Variants in SCO2 observed in about 807,000 individuals in gnomAD.
SCO2 encodes the protein cytochrome c oxidase assembly factor SCO2.
For synonymous variants in SCO2, 195 were observed against 148.6 expected, an observed-to-expected ratio of 1.31 and a Z score of -2.27; for missense variants, 429 against 348.7, an observed-to-expected ratio of 1.23 and a Z score of -1.83.
At chr22:50,525,980 C>T (rs1433833468), upstream of SCO2, 16 of 1,391,690 alleles carry the variant, frequency 1.1e-5, no homozygotes, top group East Asian at 4.2e-4. Context: ...GCGGGGCCAG[C>T]AGGGCGGGGG....
chr22:50,524,865 C>A, intron 1 of SCO2: 1 of 360,056 alleles, frequency 2.8e-6, no homozygotes, highest in Non-Finnish European at 5.5e-6. Flanking sequence ...TTCAACCAAC[C>A]GCGGCCTTCC....
upstream of SCO2, chr22:50,526,234 C>G (rs202177002): frequency 5.9e-6 from 9 of 1,529,886 alleles, no homozygotes; most frequent in African/African-American, 2.8e-5. Context: ...CGGGGACTCC[C>G]CCGACGCTCA....
intron 1 of SCO2, chr22:50,524,749 T>C (rs1035221160): frequency 5.7e-6 from 3 of 523,050 alleles, no homozygotes; most frequent in Admixed American, 2.3e-5. Context: ...AACCACGTTA[T>C]CTATTTGCAA....
chr22:50,525,997 T>C (rs1401543018), upstream of SCO2: 3 of 1,418,018 alleles, frequency 2.1e-6, no homozygotes, highest in Non-Finnish European at 2.7e-6. Context: ...GGGGCGGCGC[T>C]CACCACGGCG....
At chr22:50,524,726 C>T in intron 1 of SCO2, 1 of 595,166 alleles carries the variant, frequency 1.7e-6, no homozygotes, top group South Asian at 1.5e-5. Context: ...CAAGTGCATG[C>T]CTTGCCTGAA....
rs1477026457 is a variant in SCO2, at chr22:50,523,753, T to C, written c.659A>G (p.Tyr220Cys). The C allele has an allele frequency of 6.2e-7, 1 of 1,614,232 alleles. No homozygotes were observed. The highest frequency in any genetic ancestry group is 8.5e-7 in the Non-Finnish European group (1 of 1,180,034). Reference sequence around the variant, plus strand: ...GATGGCAATGGAGTGGTCCACGATGTAGTCCTGGTCCTCATCCTTGGGGCC... The same window carrying C: ...GATGGCAATGGAGTGGTCCACGATGCAGTCCTGGTCCTCATCCTTGGGGCC... Reference protein sequence around the residue: ...NAGPKDEDQDYIVDHSIAIYL... With the variant: ...NAGPKDEDQDCIVDHSIAIYL... The change falls in exon 2 of 2, where the codon TAC becomes TGC. Residue 220 changes from tyrosine to cysteine, a missense_variant. Coordinates refer to ENST00000395693, the MANE Select transcript of SCO2 (RefSeq NM_005138.3).
chr22:50,525,602 G>T, upstream of SCO2: 2 of 1,041,572 alleles, frequency 1.9e-6, no homozygotes, highest in Non-Finnish European at 2.9e-6. Flanking sequence ...AGGCGTCCCC[G>T]GAGCTGCGCA....
At chr22:50,525,397 G>A (rs1410600065) in intron 1 of SCO2, 75 bp downstream of exon 1, 1 of 307,258 alleles carries the variant, frequency 3.3e-6, no homozygotes, top group Non-Finnish European at 6.1e-6. Flanking sequence ...CGCAGTAGCC[G>A]GAGCTGGGAA....
upstream of SCO2, chr22:50,525,933 G>T (rs2069339975): frequency 1.4e-6 from 2 of 1,441,924 alleles, no homozygotes; most frequent in African/African-American, 1.5e-5. Flanking sequence ...AGAGCGAGGG[G>T]CTGTTAGAGG....
At chr22:50,525,362 C>T in intron 1 of SCO2, 110 bp downstream of exon 1, 1 of 280,076 alleles carries the variant, frequency 3.6e-6, no homozygotes, top group Non-Finnish European at 6.9e-6. Flanking sequence ...TCCAGCGCGC[C>T]CTGGGGTGTG....
At position 50,523,671 on chromosome 22, in the gene SCO2, A is replaced by T. The variant is rs199845793; in HGVS notation, c.741T>A (p.Ala247=). Residue 247 remains alanine, a synonymous_variant, in exon 2 of 2, where the codon GCT becomes GCA. Coordinates refer to ENST00000395693, the MANE Select transcript of SCO2 (RefSeq NM_005138.3). ...GCCGCACACTGTCTGAGATCTGCTCAGCCGATCTGCTCCGGCCGTAGTAAT... is the reference window on the plus strand; with the variant it reads ...GCCGCACACTGTCTGAGATCTGCTCTGCCGATCTGCTCCGGCCGTAGTAAT... ...FTDYYGRSRS[A]EQISDSVRRH... The T allele has an allele frequency of 6.2e-7, 1 of 1,613,948 alleles. No individual in the cohort carries two copies. Among genetic ancestry groups the T allele is most frequent in the Non-Finnish European group, 8.5e-7 (1 of 1,180,038 alleles).
chr22:50,526,235 C>G (rs747478170), upstream of SCO2: 13 of 1,530,026 alleles, frequency 8.5e-6, no homozygotes, highest in Non-Finnish European at 1.0e-5. Flanking sequence ...GGGGACTCCC[C>G]CGACGCTCAC....
upstream of SCO2, chr22:50,525,831 T>C (rs2148676206): frequency 6.2e-7 from 1 of 1,609,344 alleles, no homozygotes; most frequent in South Asian, 1.1e-5. Flanking sequence ...TGGCGCGCGG[T>C]CGGAGAGTAC....
Position 50,525,554 on chromosome 22 carries a change from C to G in SCO2, c.-96G>C. ...CTCCCTGCGCTCTGCCCCGCCGGCT[C>G]AGGGAAAGCGGGCGCCACACGCTCA... is the stretch of plus-strand genomic sequence containing the variant. On this transcript the variant is annotated 5_prime_UTR_variant, in exon 1 of 2. Coordinates refer to ENST00000395693, the MANE Select transcript of SCO2 (RefSeq NM_005138.3). 2 of 687,074 alleles carry G rather than the reference C, an allele frequency of 2.9e-6. No individual in the cohort carries two copies. The highest frequency in any genetic ancestry group is 2.9e-5 in the East Asian group (1 of 34,312). 42.6% of individuals were successfully genotyped at this position (687,074 alleles called of 1,614,324 possible). A position where few individuals can be genotyped will look rare whatever the true frequency, so the allele number is the denominator to read the frequency against.
At chr22:50,525,704 G>C (rs996270253), upstream of SCO2, 2 of 1,568,608 alleles carry the variant, frequency 1.3e-6, no homozygotes, top group Middle Eastern at 1.9e-4. Flanking sequence ...GACGGCCCCC[G>C]CCTCCGCAGC....
At chr22:50,524,703 AC>A in intron 1 of SCO2, 1 of 640,264 alleles carries the variant, frequency 1.6e-6, no homozygotes, top group Non-Finnish European at 3.0e-6. Flanking sequence ...CCTCTTGCTG[AC>A]GGAAAGCATT....
chr22:50,523,729 ATGGCAATGGAG>A lies in SCO2; in HGVS notation c.672_682del (p.Ser225LeufsTer6), dbSNP rs2069191620. Reference sequence around the variant, plus strand: ...GAGGCCGTCAGGGTTGAGCAGGTAGATGGCAATGGAGTGGTCCACGATGTAGTCCTGGTCCT... The same window carrying A: ...GAGGCCGTCAGGGTTGAGCAGGTAGATGGTCCACGATGTAGTCCTGGTCCT... On this transcript the variant is annotated frameshift_variant, in exon 2 of 2. Coordinates refer to ENST00000395693, the MANE Select transcript of SCO2 (RefSeq NM_005138.3). LOFTEE classifies it high-confidence loss of function. The A allele has an allele frequency of 1.9e-6, 3 of 1,614,196 alleles. No homozygotes were observed. Among genetic ancestry groups the A allele is most frequent in the Non-Finnish European group, 2.5e-6 (3 of 1,180,018 alleles).
chr22:50,525,066 C>T (rs904009650), intron 1 of SCO2, among the ~76,000 whole-genome samples: 1 of 152,242 alleles, frequency 6.6e-6, no homozygotes, highest in African/African-American at 2.4e-5. Flanking sequence ...GCGTTGGTGA[C>T]CTTTGAGCCT....
rs1013395122 is a variant in SCO2 at position 50,525,580 on chromosome 22, C to G, written c.-122G>C. 1.3e-5 allele frequency: 11 copies of G among 857,862 alleles called. No individual in the cohort carries two copies. The highest frequency in any genetic ancestry group is 9.2e-5 in the Admixed American group (4 of 43,488). 53.1% of individuals were successfully genotyped at this position (857,862 alleles called of 1,614,324 possible). ...AGGGAAAGCGGGCGCCACACGCTCACAGGCAGGGCGCAGGCGTCCCCGGAG... is the reference window on the plus strand; with the variant it reads ...AGGGAAAGCGGGCGCCACACGCTCAGAGGCAGGGCGCAGGCGTCCCCGGAG... On this transcript the variant is annotated 5_prime_UTR_variant, in exon 1 of 2. Coordinates refer to ENST00000395693, the MANE Select transcript of SCO2 (RefSeq NM_005138.3).
Sources: allele counts gnomAD v4.1 joint callset (sites outside exome capture counted in the v4.1 genomes callset), GRCh38; gene constraint gnomAD v4.1.1; transcripts MANE v1.5; gene names NCBI Gene and HGNC (gene_info 2026-07-23, HGNC 2026-07-21).